Variants in SH2D4A observed in about 807,000 individuals in gnomAD.
SH2D4A encodes SH2 domain-containing protein 4A.
In SH2D4A, 70 loss-of-function variants were observed where a neutral mutation model predicts 64.7. The observed-to-expected ratio is 1.08, with a 90% CI of 0.89 to 1.32. SH2D4A has a LOEUF of 1.32. SH2D4A is among the 40% of genes most tolerant of loss of function. The probability of loss-of-function intolerance (pLI) is 0.00; values close to 1 mark genes in which losing one functional copy is unlikely to be tolerated. For synonymous variants in SH2D4A, 268 were observed against 200.7 expected (o/e 1.34, Z -2.83); for missense variants, 706 against 540.1 (o/e 1.31, Z -3.04).
Position 19,364,073 on chromosome 8 carries a change from G to A in SH2D4A, c.708G>A (p.Leu236=), listed in dbSNP as rs2052941331. ...TCTCCGACCCCGTTGTTTTTCCAGT[G>A]CGAAAATCCAAAGCAGCTGATGAGA... The part of the protein sequence containing the change: ...WKEDSEWQAS[L]RKSKAADEKR... The change falls in exon 7 of 10, where the codon CTG becomes CTA. Residue 236 remains leucine, a splice_region_variant and synonymous_variant. Coordinates refer to ENST00000265807, the MANE Select transcript of SH2D4A (RefSeq NM_022071.4). The A allele has an allele frequency of 6.2e-7, 1 of 1,613,898 alleles. No homozygotes were observed. Among genetic ancestry groups the A allele is most frequent in the African/African-American group, 1.3e-5 (1 of 75,024 alleles).
At chr8:19,379,260 C>G (rs1489934655) in intron 8 of SH2D4A, among the ~76,000 whole-genome samples, 1 of 152,224 alleles carries the variant, frequency 6.6e-6, no homozygotes, top group East Asian at 1.9e-4. Context: ...ATAAGTAGAA[C>G]TGTACAGTAT....
At chr8:19,393,681 T>A in intron 9 of SH2D4A, 140 bp downstream of exon 9, 1 of 761,548 alleles carries the variant, frequency 1.3e-6, no homozygotes, top group Non-Finnish European at 2.1e-6. Flanking sequence ...TTGATAATTC[T>A]TCCTGATAAT....
At chr8:19,392,448 C>T (rs2053507873) in intron 8 of SH2D4A, among the ~76,000 whole-genome samples, 1 of 152,088 alleles carries the variant, frequency 6.6e-6, no homozygotes, top group African/African-American at 2.4e-5. Flanking sequence ...GGCTGTTTAG[C>T]AACATCCCTG....
At chr8:19,373,405 CATGCATGTATATAT>C (rs1267580436) in intron 7 of SH2D4A, 111 bp from the exon 8 acceptor site, 8 of 513,348 alleles carry the variant, frequency 1.6e-5, no homozygotes, top group Non-Finnish European at 2.4e-5. Context: ...TGTCTACAGA[CATGCATGTATATAT>C]ATGCATGTAT....
At chr8:19,382,997 A>G (rs1314734820) in intron 8 of SH2D4A, among the ~76,000 whole-genome samples, 1 of 151,836 alleles carries the variant, frequency 6.6e-6, no homozygotes, top group Non-Finnish European at 1.5e-5. Flanking sequence ...ATGCCTGGCC[A>G]ATCTTTGTCT....
rs1214957776 is a variant in SH2D4A, at chr8:19,364,098, A to C, written c.733A>C (p.Lys245Gln). 2 of 1,613,968 alleles carry C rather than the reference A, an allele frequency of 1.2e-6. No homozygotes were observed. The highest frequency in any genetic ancestry group is 3.3e-5 in the Admixed American group (2 of 60,018). Residue 245 changes from lysine to glutamine, a missense_variant, in exon 7 of 10, where the codon AAG becomes CAG. Lys to Gln is a moderately conservative substitution (Grantham distance 53). Coordinates refer to ENST00000265807, the MANE Select transcript of SH2D4A (RefSeq NM_022071.4). Reference protein sequence around the residue: ...SLRKSKAADEKRRSLAKQARE... With the variant: ...SLRKSKAADEQRRSLAKQARE... ...GCGAAAATCCAAAGCAGCTGATGAGAAGAGACGCTCCTTGGCTAAACAAGC... is the reference window on the plus strand; with the variant it reads ...GCGAAAATCCAAAGCAGCTGATGAGCAGAGACGCTCCTTGGCTAAACAAGC...
At chr8:19,354,128 T>C (rs1223086017) in intron 4 of SH2D4A, among the ~76,000 whole-genome samples, 1 of 151,812 alleles carries the variant, frequency 6.6e-6, no homozygotes, top group Non-Finnish European at 1.5e-5. Context: ...ATAACTGGGA[T>C]TAACAGGCAT....
intron 7 of SH2D4A, among the ~76,000 whole-genome samples, chr8:19,369,258 C>A (rs1027703880): frequency 3.9e-5 from 6 of 151,946 alleles, no homozygotes; most frequent in Non-Finnish European, 7.4e-5. Context: ...ATTTTTGTAT[C>A]TATGTTCATC....
chr8:19,340,882 G>A (rs961282713), intron 4 of SH2D4A, among the ~76,000 whole-genome samples: 4 of 152,114 alleles, frequency 2.6e-5, no homozygotes, highest in African/African-American at 9.7e-5. Context: ...ACAGGTGTGA[G>A]CCACTGCACC....
intron 4 of SH2D4A, among the ~76,000 whole-genome samples, chr8:19,354,634 A>G (rs750996599): frequency 2.6e-5 from 4 of 152,222 alleles, no homozygotes; most frequent in Non-Finnish European, 5.9e-5. Flanking sequence ...TAATTTAAAG[A>G]AAGCAAGTAG....
At chr8:19,317,868 TATAA>T (rs959291408) in intron 1 of SH2D4A, among the ~76,000 whole-genome samples, 1 of 152,172 alleles carries the variant, frequency 6.6e-6, no homozygotes, top group Non-Finnish European at 1.5e-5. Flanking sequence ...GAGGTGTTAT[TATAA>T]ATAACAAATT....
intron 2 of SH2D4A, among the ~76,000 whole-genome samples, chr8:19,326,747 A>C (rs554977294): frequency 6.6e-6 from 1 of 152,034 alleles, no homozygotes; most frequent in East Asian, 1.9e-4. Context: ...GTGATTGCCC[A>C]TCAGGTTGAA....
At chr8:19,322,976 G>C (rs1007053978) in intron 2 of SH2D4A, among the ~76,000 whole-genome samples, 12 of 152,114 alleles carry the variant, frequency 7.9e-5, no homozygotes, top group African/African-American at 2.7e-4. Context: ...TGCCCGACTT[G>C]TCTACTTGTT....
chr8:19,341,618 G>T (rs1477334338), intron 4 of SH2D4A, among the ~76,000 whole-genome samples: 1 of 152,110 alleles, frequency 6.6e-6, no homozygotes. Context: ...CGAGGCAGAT[G>T]GATCACTTGA....
chr8:19,319,331 T>C lies in SH2D4A; in HGVS notation c.-204-13T>C. ...TAACACGCTGCCTGAATGTGGGCTC[T>C]TTCTCTCTGCAGGTTCAGTGAACAG... On this transcript the variant is annotated splice_polypyrimidine_tract_variant and intron_variant, in intron 1 of 9. Transcript: ENST00000265807. 13 of 1,206,872 alleles carry C rather than the reference T, an allele frequency of 1.1e-5. No homozygotes were observed. The highest frequency in any genetic ancestry group is 1.2e-5 in the Non-Finnish European group (12 of 971,964). The allele number at this position is 1,206,872 out of a possible 1,614,324, so 74.8% of individuals were successfully genotyped here.
intron 7 of SH2D4A, among the ~76,000 whole-genome samples, chr8:19,365,675 CAGTT>C (rs1263296668): frequency 2.0e-5 from 3 of 152,168 alleles, no homozygotes; most frequent in Non-Finnish European, 4.4e-5. Context: ...CAGCTGTGCT[CAGTT>C]AGCTCATTTT....
At chr8:19,315,162 G>T (rs74611360) in intron 1 of SH2D4A, among the ~76,000 whole-genome samples, 21,143 of 151,948 alleles carry the variant, frequency 0.14, 1,708 homozygotes, top group East Asian at 0.27. Context: ...TTGAGACAGG[G>T]TCTCCTTCTG....
At chr8:19,347,315 G>A (rs149970774) in intron 4 of SH2D4A, among the ~76,000 whole-genome samples, 16 of 152,296 alleles carry the variant, frequency 1.1e-4, no homozygotes, top group Admixed American at 5.9e-4. Flanking sequence ...GAGTTAATGG[G>A]ACTCAGAGAA....
Position 19,319,646 on chromosome 8 carries a change from G to A in SH2D4A, c.99G>A (p.Glu33=). The A allele has an allele frequency of 6.2e-7, 1 of 1,611,394 alleles. No individual in the cohort carries two copies. Among genetic ancestry groups the A allele is most frequent in the Non-Finnish European group, 8.5e-7 (1 of 1,179,074 alleles). The change falls in exon 2 of 10, where the codon GAG becomes GAA. Residue 33 remains glutamate (E), a synonymous_variant. Transcript: ENST00000265807. ...QKQILFFKMR[E]EQIRRWKERE... is the part of the protein sequence containing the mutation. Reference sequence around the variant, plus strand: ...AGATCCTGTTCTTCAAGATGAGAGAGGAACAGATCCGACGATGGAAAGAAA... The same window carrying A: ...AGATCCTGTTCTTCAAGATGAGAGAAGAACAGATCCGACGATGGAAAGAAA...
Sources: gnomAD v4.1 joint callset for allele counts (sites outside exome capture counted in the v4.1 genomes callset) on GRCh38, gnomAD v4.1.1 for gene constraint, MANE v1.5 for transcripts, NCBI Gene and HGNC (gene_info 2026-07-23, HGNC 2026-07-21) for gene names.